MECOM: variants seen among roughly 807,000 people sequenced by gnomAD.
MECOM encodes the protein MDS1 and EVI1 complex locus.
MECOM carries 13 observed loss-of-function variants against 116.3 expected under a neutral mutation model. The ratio of observed to expected loss-of-function variants is 0.11; its 90% CI spans 0.07 to 0.18. The LOEUF (loss-of-function observed/expected upper bound fraction) is 0.18, where lower values mean the gene tolerates loss of function less well. MECOM is among the 10% of genes least tolerant of loss of function. The pLI is 1.00. For missense variants in MECOM, 1,299 were observed against 1,509.0 expected (o/e 0.86, Z 2.31); for synonymous variants, 528 against 535.2 (o/e 0.99, Z 0.19).
At chr3:169,571,679 A>T (rs1400569254) in intron 1 of MECOM, among the ~76,000 whole-genome samples, 1 of 152,230 alleles carries the variant, frequency 6.6e-6, no homozygotes, top group Admixed American at 6.5e-5. Context: ...GGCCTCAGAA[A>T]TAATACCACA....
chr3:169,440,999 A>G (rs1743560632), intron 1 of MECOM, among the ~76,000 whole-genome samples: 1 of 152,232 alleles, frequency 6.6e-6, no homozygotes, highest in African/African-American at 2.4e-5. Context: ...TAGGTGCACA[A>G]TTAATTTCCC....
intron 2 of MECOM, among the ~76,000 whole-genome samples, chr3:169,249,167 G>A (rs1225289397): frequency 6.6e-6 from 1 of 152,134 alleles, no homozygotes; most frequent in East Asian, 1.9e-4. Flanking sequence ...TGTGCTTTGC[G>A]TGATTGTTGA....
Position 169,192,764 on chromosome 3 carries a change from G to A in MECOM, c.376-48932C>T, listed in dbSNP as rs1021699480. 4.6e-5 allele frequency among the ~76,000 whole-genome samples: 7 copies of A among 151,940 alleles called. No homozygotes were observed. The East Asian group carries it at 5.8e-4, about 13-fold the overall frequency. Reference sequence around the variant, plus strand: ...ACTATCCACTTTGCAATTGCAGTGCGACCTGTGAAACTTGCATAAAGACCT... The same window carrying A: ...ACTATCCACTTTGCAATTGCAGTGCAACCTGTGAAACTTGCATAAAGACCT... On this transcript the variant is annotated intron_variant, in intron 2 of 16. Transcript: ENST00000651503.
chr3:169,405,373 C>G (rs1401268447), intron 1 of MECOM, among the ~76,000 whole-genome samples: 1 of 152,148 alleles, frequency 6.6e-6, no homozygotes, highest in Admixed American at 6.5e-5. Context: ...CAGCCAGACT[C>G]AGATATGCAT....
At chr3:169,467,953 C>T (rs1748573060) in intron 1 of MECOM, among the ~76,000 whole-genome samples, 1 of 152,212 alleles carries the variant, frequency 6.6e-6, no homozygotes, top group Non-Finnish European at 1.5e-5. Context: ...GATCTGAAAA[C>T]GTTTGGTGCT....
At chr3:169,548,191 A>AC (rs1491287652) in intron 1 of MECOM, among the ~76,000 whole-genome samples, 6 of 151,600 alleles carry the variant, frequency 4.0e-5, no homozygotes, top group Non-Finnish European at 7.4e-5. Context: ...ACACACACAC[A>AC]AAAAAAAAGA....
chr3:169,167,039 A>G (rs973542667), intron 2 of MECOM, among the ~76,000 whole-genome samples: 1 of 152,112 alleles, frequency 6.6e-6, no homozygotes, highest in African/African-American at 2.4e-5. Context: ...CAGTGGTACA[A>G]TCATGGCATA....
At chr3:169,554,910 T>C (rs1761854576) in intron 1 of MECOM, among the ~76,000 whole-genome samples, 1 of 152,136 alleles carries the variant, frequency 6.6e-6, no homozygotes, top group Admixed American at 6.5e-5. Context: ...AAAATAAACA[T>C]TGGTTGACTC....
chr3:169,498,919 AT>A (rs1754172067), intron 1 of MECOM, among the ~76,000 whole-genome samples: 1 of 152,170 alleles, frequency 6.6e-6, no homozygotes, highest in South Asian at 2.1e-4. Flanking sequence ...CCAATTGGAA[AT>A]TTTTAGATGG....
chr3:169,500,820 G>A (rs901895047), intron 1 of MECOM, among the ~76,000 whole-genome samples: 3 of 151,824 alleles, frequency 2.0e-5, no homozygotes, highest in African/African-American at 7.2e-5. Flanking sequence ...GTAACATGTT[G>A]CTTATTTTAA....
intron 2 of MECOM, among the ~76,000 whole-genome samples, chr3:169,214,210 C>T (rs544340304): frequency 2.1e-4 from 32 of 151,964 alleles, no homozygotes; most frequent in African/African-American, 7.5e-4. Flanking sequence ...GTATGAACAT[C>T]AGTGGAAATT....
chr3:169,466,894 A>G (rs1352723888), intron 1 of MECOM: 1 of 152,224 alleles, frequency 6.6e-6, no homozygotes, highest in Non-Finnish European at 1.5e-5. Context: ...GAACTAGTGG[A>G]CTTGTTTTAA....
chr3:169,604,301 C>T (rs901922786), intron 1 of MECOM, among the ~76,000 whole-genome samples: 5 of 151,792 alleles, frequency 3.3e-5, no homozygotes, highest in African/African-American at 9.7e-5. Context: ...CTCTCATTCA[C>T]ATACACATAC....
chr3:169,634,240 A>T (rs969748421), intron 1 of MECOM, among the ~76,000 whole-genome samples: 5 of 126,488 alleles, frequency 4.0e-5, no homozygotes, highest in African/African-American at 1.5e-4. Flanking sequence ...ATGTGTGCAC[A>T]AACACACACA....
chr3:169,280,440 T>TGTAA (rs1711685931), intron 2 of MECOM, among the ~76,000 whole-genome samples: 1 of 152,208 alleles, frequency 6.6e-6, no homozygotes, highest in Non-Finnish European at 1.5e-5. Flanking sequence ...GAACATTTCC[T>TGTAA]GCTATCTCAC....
chr3:169,562,183 AAAAGATAG>A (rs1389101723), intron 1 of MECOM, among the ~76,000 whole-genome samples: 1 of 134,802 alleles, frequency 7.4e-6, no homozygotes, highest in Non-Finnish European at 1.6e-5. Flanking sequence ...AAAGAAAAAA[AAAAGATAG>A]AAAAAGAAAC....
At chr3:169,535,977 G>T (rs1442571497) in intron 1 of MECOM, among the ~76,000 whole-genome samples, 1 of 152,182 alleles carries the variant, frequency 6.6e-6, no homozygotes, top group East Asian at 1.9e-4. Flanking sequence ...ATCATGTTAA[G>T]AATAACAACT....
intron 2 of MECOM, among the ~76,000 whole-genome samples, chr3:169,262,595 T>C (rs1177446325): frequency 1.3e-5 from 2 of 152,152 alleles, no homozygotes; most frequent in African/African-American, 4.8e-5. Context: ...AGTCTGTGAT[T>C]CTTCTCCATT....
At chr3:169,444,904 C>A (rs1578121204) in intron 1 of MECOM, among the ~76,000 whole-genome samples, 1 of 152,152 alleles carries the variant, frequency 6.6e-6, no homozygotes, top group African/African-American at 2.4e-5. Context: ...GTGACTCTTA[C>A]TATGTTTTAG....
Sources: allele counts gnomAD v4.1 joint callset (sites outside exome capture counted in the v4.1 genomes callset), GRCh38; gene constraint gnomAD v4.1.1; transcripts MANE v1.5; gene names NCBI Gene and HGNC (gene_info 2026-07-23, HGNC 2026-07-21).